The following DGCR6L variants were observed in gnomAD, a reference collection of about 807,000 sequenced individuals.
DGCR6L encodes protein DGCR6L.
A neutral mutation model predicts 31.1 loss-of-function variants in DGCR6L; 24 were observed. The observed-to-expected ratio is 0.77, with a 90% CI of 0.56 to 1.08. The LOEUF (loss-of-function observed/expected upper bound fraction) is 1.08. DGCR6L is among the 50% of genes least tolerant of loss of function. The pLI is 0.00. For missense variants in DGCR6L, 218 were observed against 287.1 expected (o/e 0.76, Z 1.74); for synonymous variants, 104 against 126.1 (o/e 0.82, Z 1.17).
chr22:20,314,992 C>G, intron 4 of DGCR6L, 168 bp from the exon 5 acceptor site: 1 of 1,444,624 alleles, frequency 6.9e-7, no homozygotes, highest in Non-Finnish European at 9.5e-7. Context: ...CAGGGCCACT[C>G]GGAATCTGAG....
At position 20,314,800 on chromosome 22, in the gene DGCR6L, G is replaced by C. The variant is rs1421660943; in HGVS notation, c.538C>G (p.Leu180Val). Residue 180 changes from leucine (L) to valine (V), a missense_variant, in exon 5 of 5, where the codon CTG (leucine) becomes GTG (valine). Physicochemically the swap from Leu to Val is conservative, Grantham distance 32. Coordinates refer to ENST00000248879, the MANE Select transcript of DGCR6L (RefSeq NM_033257.4). ...TGCTGCAGCTTTCGGATGAGTTCCA[G>C]CAGGTTCATCTGCAGCATCAGCTCC... is the stretch of plus-strand genomic sequence containing the variant. ...PQELMLQMNL[L>V]ELIRKLQQRG... 1.2e-6 allele frequency: 2 copies of C among 1,612,074 alleles called. No individual in the cohort carries two copies. Among genetic ancestry groups the C allele is most frequent in the South Asian group, 2.2e-5 (2 of 90,998 alleles).
rs1368171453 is a variant in DGCR6L, at chr22:20,315,027, G to A, written c.514-203C>T. On this transcript the variant is annotated intron_variant, in intron 4 of 4. Coordinates refer to ENST00000248879, the MANE Select transcript of DGCR6L (RefSeq NM_033257.4). ...GCCTCTGCCCCCAGCAGGGCCACTC[G>A]GAATCTGAGCCTCTGCCCCCAGCAG... 2.4e-5 allele frequency: 31 copies of A among 1,310,764 alleles called. No individual in the cohort carries two copies. The East Asian group carries it at 2.8e-4, about 12-fold the overall frequency. The allele number at this position is 1,310,764 out of a possible 1,614,324, so 81.2% of individuals were successfully genotyped here.
intron 4 of DGCR6L, chr22:20,315,046 C>A: frequency 1.6e-6 from 2 of 1,237,810 alleles, no homozygotes; most frequent in Non-Finnish European, 2.3e-6. Context: ...GCCTCTGCCC[C>A]CAGCAGGGCC....
At chr22:20,316,982 A>G (rs866851298) in intron 2 of DGCR6L, among the ~76,000 whole-genome samples, 1 of 152,242 alleles carries the variant, frequency 6.6e-6, no homozygotes, top group Non-Finnish European at 1.5e-5. Flanking sequence ...CAGAACATGC[A>G]GCACCCCACA....
In DGCR6L at chr22:20,320,013, G is replaced by A. The variant is rs745449934; in HGVS notation, c.-25C>T. On this transcript the variant is annotated 5_prime_UTR_variant, in exon 1 of 5. Coordinates refer to ENST00000248879, the MANE Select transcript of DGCR6L (RefSeq NM_033257.4). ...TGGCGCGGACGCCCGCTAGCCGCCG[G>A]CGGCGGCGACGAGCTCCCCCAGCTT... is the stretch of plus-strand genomic sequence containing the variant. 3.3e-6 allele frequency: 5 copies of A among 1,525,072 alleles called. No homozygotes were observed. The highest frequency in any genetic ancestry group is 2.8e-5 in the African/African-American group (2 of 71,274). The allele number at this position is 1,525,072 out of a possible 1,614,324, so 94.5% of individuals were successfully genotyped here.
intron 2 of DGCR6L, among the ~76,000 whole-genome samples, 174 bp downstream of exon 2, chr22:20,319,465 A>C (rs751649471): frequency 1.3e-5 from 2 of 152,196 alleles, no homozygotes; most frequent in Non-Finnish European, 2.9e-5. Context: ...AACTGGTTGG[A>C]CCCACTGATC....
At position 20,319,875 on chromosome 22, in the gene DGCR6L, G is replaced by C. The variant is rs373464351; in HGVS notation, c.110+4C>G. The C allele has an allele frequency of 1.9e-6, 3 of 1,608,446 alleles. No homozygotes were observed. Among genetic ancestry groups the C allele is most frequent in the Non-Finnish European group, 2.5e-6 (3 of 1,178,200 alleles). ...GCAGGCCTCCGCCCGCCCCGCCTGCGTACCTGGGCAACTCCTTCACCAGGC... is the reference window on the plus strand; with the variant it reads ...GCAGGCCTCCGCCCGCCCCGCCTGCCTACCTGGGCAACTCCTTCACCAGGC... On this transcript the variant is annotated splice_donor_region_variant and intron_variant, in intron 1 of 4. Transcript: ENST00000248879.
intron 2 of DGCR6L, among the ~76,000 whole-genome samples, chr22:20,317,138 G>C (rs188753861): frequency 6.6e-6 from 1 of 152,176 alleles, no homozygotes; most frequent in South Asian, 2.1e-4. Context: ...CAGTCCCCAG[G>C]GAACTCCAGG....
In DGCR6L at chr22:20,319,943, G is replaced by T; in HGVS notation, c.46C>A (p.Arg16=). Residue 16 remains arginine, a synonymous_variant, in exon 1 of 5, where the codon CGG becomes AGG. Coordinates refer to ENST00000248879, the MANE Select transcript of DGCR6L (RefSeq NM_033257.4). ...AALEEVADGA[R]QQERHYQLLS... ...AACTGGTAGTGTCGCTCCTGCTGCCGGGCACCGTCCGCCACCTCCTCCAAG... is the reference window on the plus strand; with the variant it reads ...AACTGGTAGTGTCGCTCCTGCTGCCTGGCACCGTCCGCCACCTCCTCCAAG... The T allele has an allele frequency of 1.9e-6, 3 of 1,608,696 alleles. No individual in the cohort carries two copies. Among genetic ancestry groups the T allele is most frequent in the East Asian group, 2.2e-5 (1 of 44,650 alleles).
intron 2 of DGCR6L, chr22:20,318,067 C>G (rs2051583090): frequency 9.9e-6 from 2 of 201,400 alleles, no homozygotes; most frequent in African/African-American, 4.7e-5. Flanking sequence ...AAGATTTTAG[C>G]AAATCAAATC....
Position 20,319,803 on chromosome 22 carries a change from C to CG in DGCR6L, c.111-5dup, listed in dbSNP as rs1362688203. 4.4e-6 allele frequency: 7 copies of CG among 1,607,620 alleles called. No homozygotes were observed. The highest frequency in any genetic ancestry group is 5.9e-6 in the Non-Finnish European group (7 of 1,177,468). On this transcript the variant is annotated splice_region_variant and splice_polypyrimidine_tract_variant and intron_variant, in intron 1 of 4. Transcript: ENST00000248879. The stretch of plus-strand genomic sequence containing the variant: ...GGACAGGCGCTGCTGGAAAGAGCTG[C>CG]GGGTAGGGGGGCGCGGTGAGCCCCG...
chr22:20,320,025 A>G lies in DGCR6L; in HGVS notation c.-37T>C. On this transcript the variant is annotated 5_prime_UTR_variant, in exon 1 of 5. Coordinates refer to ENST00000248879, the MANE Select transcript of DGCR6L (RefSeq NM_033257.4). ...CCGCTAGCCGCCGGCGGCGGCGACGAGCTCCCCCAGCTTCACGACATCCCG... is the reference window on the plus strand; with the variant it reads ...CCGCTAGCCGCCGGCGGCGGCGACGGGCTCCCCCAGCTTCACGACATCCCG... The G allele has an allele frequency of 6.7e-7, 1 of 1,499,706 alleles. No individual in the cohort carries two copies. Among genetic ancestry groups the G allele is most frequent in the Admixed American group, 2.5e-5 (1 of 39,524 alleles). 92.9% of individuals were successfully genotyped at this position (1,499,706 alleles called of 1,614,324 possible).
At position 20,319,863 on chromosome 22, in the gene DGCR6L, C is replaced by T. The variant is rs778584144; in HGVS notation, c.110+16G>A. ...GAAGCCGCCTCCGCAGGCCTCCGCC[C>T]GCCCCGCCTGCGTACCTGGGCAACT... On this transcript the variant is annotated intron_variant, in intron 1 of 4. Transcript: ENST00000248879. 2.5e-6 allele frequency: 4 copies of T among 1,604,076 alleles called. No individual in the cohort carries two copies. The highest frequency in any genetic ancestry group is 2.2e-5 in the South Asian group (2 of 89,946).
chr22:20,319,602 G>A (rs1263350284), intron 2 of DGCR6L, 37 bp downstream of exon 2: 2 of 1,604,832 alleles, frequency 1.2e-6, no homozygotes, highest in Middle Eastern at 2.3e-4. Flanking sequence ...GCGCCGACCC[G>A]GAGGAGGCGG....
intron 2 of DGCR6L, among the ~76,000 whole-genome samples, chr22:20,316,944 C>T (rs931444046): frequency 1.3e-5 from 2 of 152,184 alleles, no homozygotes; most frequent in African/African-American, 4.8e-5. Flanking sequence ...ACAGAGGAAG[C>T]GATCATGGGA....
Position 20,320,043 on chromosome 22 carries a change from A to C in DGCR6L, c.-55T>G. ...GGCGACGAGCTCCCCCAGCTTCACGACATCCCGAGCGCGGCGCGTCCCGCC... is the reference window on the plus strand; with the variant it reads ...GGCGACGAGCTCCCCCAGCTTCACGCCATCCCGAGCGCGGCGCGTCCCGCC... On this transcript the variant is annotated 5_prime_UTR_variant, in exon 1 of 5. Coordinates refer to ENST00000248879, the MANE Select transcript of DGCR6L (RefSeq NM_033257.4). The C allele has an allele frequency of 6.8e-7, 1 of 1,474,014 alleles. No individual in the cohort carries two copies. The highest frequency in any genetic ancestry group is 2.5e-4 in the Middle Eastern group (1 of 4,028). 91.3% of individuals were successfully genotyped at this position (1,474,014 alleles called of 1,614,324 possible).
At chr22:20,317,383 G>C (rs1186800508) in intron 2 of DGCR6L, among the ~76,000 whole-genome samples, 1 of 152,272 alleles carries the variant, frequency 6.6e-6, no homozygotes, top group Non-Finnish European at 1.5e-5. Context: ...ACAACCAAAA[G>C]GCAAGAAGAG....
chr22:20,314,747 G>C lies in DGCR6L; in HGVS notation c.591C>G (p.Ala197=). 6.2e-7 allele frequency: 1 copy of C among 1,612,346 alleles called. No individual in the cohort carries two copies. The highest frequency in any genetic ancestry group is 8.5e-7 in the Non-Finnish European group (1 of 1,179,848). ...QQRGCRAGNA[A]LGLGGPWQSP... ...ACTGCCAGGGACCTCCCAGTCCCAG[G>C]GCTGCATTCCCTGCCCGGCAGCCCC... is the stretch of plus-strand genomic sequence containing the variant. Residue 197 remains alanine (A), a synonymous_variant, in exon 5 of 5, where the codon GCC becomes GCG. Coordinates refer to ENST00000248879, the MANE Select transcript of DGCR6L (RefSeq NM_033257.4).
In DGCR6L at chr22:20,317,499, C is replaced by G. The variant is rs540714734; in HGVS notation, c.272-1280G>C. ...GCCCCTGCCAAATCAGCAGGAGAAG[C>G]AGAAAGTCAATGCAGGCATGCCTGC... On this transcript the variant is annotated intron_variant, in intron 2 of 4. Coordinates refer to ENST00000248879, the MANE Select transcript of DGCR6L (RefSeq NM_033257.4). Among the ~76,000 whole-genome samples, 5 of 152,358 alleles carry G rather than the reference C, an allele frequency of 3.3e-5. No individual in the cohort carries two copies. The East Asian group carries it at 9.6e-4, about 29-fold the overall frequency.
Sources: gnomAD v4.1 joint callset for allele counts (sites outside exome capture counted in the v4.1 genomes callset) on GRCh38, gnomAD v4.1.1 for gene constraint, MANE v1.5 for transcripts, NCBI Gene and HGNC (gene_info 2026-07-23, HGNC 2026-07-21) for gene names.